ILRUN: variants seen among roughly 807,000 people sequenced by gnomAD.
ILRUN encodes the protein protein ILRUN.
ILRUN carries 3 observed loss-of-function variants against 33.8 expected under a neutral mutation model. The observed-to-expected ratio is 0.09, with a 90% confidence interval of 0.04 to 0.23. The LOEUF (loss-of-function observed/expected upper bound fraction) is 0.23. Ranked by LOEUF, ILRUN falls within the 10% of genes least tolerant of loss-of-function variation. ILRUN has a pLI of 1.00. For missense variants in ILRUN, 210 were observed against 375.1 expected, an observed-to-expected ratio of 0.56 and a Z score of 3.64; for synonymous variants, 124 against 138.9, an observed-to-expected ratio of 0.89 and a Z score of 0.75.
At chr6:34,622,621 T>C (rs1051450235) in intron 3 of ILRUN, among the ~76,000 whole-genome samples, 1 of 152,078 alleles carries the variant, frequency 6.6e-6, no homozygotes, top group Non-Finnish European at 1.5e-5. Flanking sequence ...TTGGTGAGGA[T>C]GTGGAGAAAT....
intron 3 of ILRUN, among the ~76,000 whole-genome samples, chr6:34,628,033 A>C (rs963149842): frequency 6.6e-6 from 1 of 151,688 alleles, no homozygotes; most frequent in Non-Finnish European, 1.5e-5. Flanking sequence ...TTTGAGATGG[A>C]GTCTCACTCC....
At chr6:34,680,952 AT>A (rs907114404) in intron 1 of ILRUN, among the ~76,000 whole-genome samples, 1 of 152,122 alleles carries the variant, frequency 6.6e-6, no homozygotes, top group Non-Finnish European at 1.5e-5. Flanking sequence ...CATTTTAAAA[AT>A]TTAAAAATAA....
intron 1 of ILRUN, among the ~76,000 whole-genome samples, chr6:34,683,481 T>TAC (rs1763439257): frequency 3.7e-5 from 4 of 108,604 alleles, no homozygotes; most frequent in African/African-American, 1.9e-4. Flanking sequence ...TACACATATA[T>TAC]ATATACATAT....
At chr6:34,661,779 T>C (rs899811380) in intron 1 of ILRUN, among the ~76,000 whole-genome samples, 1 of 152,134 alleles carries the variant, frequency 6.6e-6, no homozygotes, top group Non-Finnish European at 1.5e-5. Context: ...TAGTTCAATA[T>C]TGTATAATGG....
At chr6:34,591,809 A>G (rs1042331831) in intron 4 of ILRUN, among the ~76,000 whole-genome samples, 1 of 152,108 alleles carries the variant, frequency 6.6e-6, no homozygotes. Flanking sequence ...CAAGCTTTTT[A>G]AAAAAATCAC....
At chr6:34,660,056 T>C (rs1762856024) in intron 1 of ILRUN, among the ~76,000 whole-genome samples, 1 of 151,650 alleles carries the variant, frequency 6.6e-6, no homozygotes, top group Admixed American at 6.6e-5. Context: ...TCCCAGCACC[T>C]TGGGAGGCGC....
At chr6:34,603,337 A>C (rs1346153069) in intron 4 of ILRUN, among the ~76,000 whole-genome samples, 2 of 152,078 alleles carry the variant, frequency 1.3e-5, no homozygotes, top group African/African-American at 4.8e-5. Flanking sequence ...ACATGGTGAA[A>C]CCCTATCTGT....
intron 1 of ILRUN, among the ~76,000 whole-genome samples, chr6:34,692,291 T>G (rs1367603046): frequency 2.0e-5 from 3 of 152,240 alleles, no homozygotes; most frequent in Non-Finnish European, 2.9e-5. Flanking sequence ...ACTCAGGGTC[T>G]TCGCTTTTCA....
intron 3 of ILRUN, among the ~76,000 whole-genome samples, chr6:34,644,859 A>G (rs976495242): frequency 2.6e-5 from 4 of 152,098 alleles, no homozygotes; most frequent in African/African-American, 9.7e-5. Flanking sequence ...AGGCAATGAG[A>G]CAAATGAGCA....
chr6:34,653,322 C>T (rs557467391), intron 2 of ILRUN, among the ~76,000 whole-genome samples: 2 of 152,108 alleles, frequency 1.3e-5, no homozygotes, highest in African/African-American at 4.8e-5. Flanking sequence ...CCTCCACCTC[C>T]TGGGTTCAAG....
intron 4 of ILRUN, among the ~76,000 whole-genome samples, chr6:34,599,638 GA>G (rs1156900451): frequency 2.6e-5 from 4 of 152,074 alleles, no homozygotes; most frequent in South Asian, 2.1e-4. Context: ...ATCATTTAGG[GA>G]ATCACATTCA....
At chr6:34,647,269 G>C (rs1424226643) in intron 2 of ILRUN, among the ~76,000 whole-genome samples, 1 of 152,126 alleles carries the variant, frequency 6.6e-6, no homozygotes, top group Admixed American at 6.5e-5. Flanking sequence ...TAATTTCAAT[G>C]GTATTATTCT....
At chr6:34,618,943 G>A (rs1364238513) in intron 3 of ILRUN, among the ~76,000 whole-genome samples, 1 of 152,196 alleles carries the variant, frequency 6.6e-6, no homozygotes, top group African/African-American at 2.4e-5. Context: ...AGTGACGAGT[G>A]TTTCAAGAGG....
At chr6:34,685,044 A>C (rs1360066887) in intron 1 of ILRUN, among the ~76,000 whole-genome samples, 1 of 152,212 alleles carries the variant, frequency 6.6e-6, no homozygotes, top group East Asian at 1.9e-4. Flanking sequence ...TGGAAGGAAG[A>C]AAGCCACTTG....
At chr6:34,692,915 A>T (rs1763676232) in intron 1 of ILRUN, among the ~76,000 whole-genome samples, 1 of 152,050 alleles carries the variant, frequency 6.6e-6, no homozygotes, top group African/African-American at 2.4e-5. Context: ...AATAAAAAGT[A>T]AAAAATAAAA....
At chr6:34,613,340 G>A (rs1429914699) in intron 3 of ILRUN, among the ~76,000 whole-genome samples, 2 of 152,144 alleles carry the variant, frequency 1.3e-5, no homozygotes, top group African/African-American at 2.4e-5. Flanking sequence ...TAATCTCAAC[G>A]ATTCATACTG....
At chr6:34,649,784 C>A (rs1352797974) in intron 2 of ILRUN, among the ~76,000 whole-genome samples, 1 of 152,148 alleles carries the variant, frequency 6.6e-6, no homozygotes, top group East Asian at 1.9e-4. Flanking sequence ...AAAGCAGAAA[C>A]CTTCATCAAT....
chr6:34,607,423 A>G (rs1339787726), intron 3 of ILRUN, among the ~76,000 whole-genome samples: 2 of 152,222 alleles, frequency 1.3e-5, no homozygotes, highest in Non-Finnish European at 2.9e-5. Flanking sequence ...CGCCAGGACC[A>G]GCATTTATCT....
intron 3 of ILRUN, among the ~76,000 whole-genome samples, chr6:34,611,020 G>A (rs2127326437): frequency 6.6e-6 from 1 of 151,250 alleles, no homozygotes; most frequent in East Asian, 1.9e-4. Context: ...AGACCATTCT[G>A]GGCAACACAG....
Sources: allele counts gnomAD v4.1 joint callset (sites outside exome capture counted in the v4.1 genomes callset), GRCh38; gene constraint gnomAD v4.1.1; transcripts MANE v1.5; gene names NCBI Gene and HGNC (gene_info 2026-07-23, HGNC 2026-07-21).